Variants in AQP7 observed in about 807,000 individuals in gnomAD.
AQP7 encodes the protein aquaporin 7.
A neutral mutation model predicts 26.1 loss-of-function variants in AQP7; 22 were observed. The ratio of observed to expected loss-of-function variants is 0.84; its 90% confidence interval spans 0.60 to 1.20. The LOEUF is 1.20. Among genes scored for constraint, AQP7 ranks in the 50% most tolerant of loss-of-function variants. The pLI, the probability that AQP7 is intolerant of heterozygous loss-of-function variation, is 0.00. For synonymous variants in AQP7, 167 were observed against 181.7 expected, an observed-to-expected ratio of 0.92 and a Z score of 0.65; for missense variants, 412 against 457.5, an observed-to-expected ratio of 0.90 and a Z score of 0.91.
chr9:33,385,450 A>T, intron 7 of AQP7, 160 bp from the exon 8 acceptor site: 1 of 979,782 alleles, frequency 1.0e-6, no homozygotes, highest in Non-Finnish European at 1.5e-6. Context: ...CAATTCAGGG[A>T]CAGCGTTGAC....
At chr9:33,392,296 T>G (rs1386505109) in intron 3 of AQP7, among the ~76,000 whole-genome samples, 1 of 145,250 alleles carries the variant, frequency 6.9e-6, no homozygotes, top group Non-Finnish European at 1.5e-5. Context: ...CAAGACTGTA[T>G]CTCAAAAAAA....
intron 1 of AQP7, chr9:33,401,516 C>T: frequency 1.8e-6 from 1 of 554,880 alleles, no homozygotes; most frequent in Non-Finnish European, 3.2e-6. Flanking sequence ...CAGGCCAGAC[C>T]CTCCAGTGCT....
rs1824558705 is a variant in AQP7, at chr9:33,384,441, CAG to C, written c.*562_*563del. 1.3e-5 allele frequency: 2 copies of C among 151,418 alleles called. No individual in the cohort carries two copies. The highest frequency in any genetic ancestry group is 1.5e-5 in the Non-Finnish European group (1 of 68,014). The allele number at this position is 151,418 out of a possible 1,614,324, so 9.4% of individuals were successfully genotyped here. ...GCACAGAACATATACAGAACATAAA[CAG>C]ATATATAGTACATCTGTGGTATTAA... On this transcript the variant is annotated 3_prime_UTR_variant, in exon 8 of 8. Transcript: ENST00000297988.
chr9:33,390,861 C>T (rs1432673139), intron 3 of AQP7, among the ~76,000 whole-genome samples: 1 of 152,206 alleles, frequency 6.6e-6, no homozygotes, highest in Non-Finnish European at 1.5e-5. Flanking sequence ...CCTGTAATCC[C>T]AGCACTTTGG....
At chr9:33,389,781 A>G (rs1825208701) in intron 3 of AQP7, among the ~76,000 whole-genome samples, 1 of 152,146 alleles carries the variant, frequency 6.6e-6, no homozygotes, top group Admixed American at 6.5e-5. Context: ...TCATGCCTGT[A>G]ATCCCAGCAC....
In AQP7 at chr9:33,387,092, C is replaced by T. The variant is rs768771734; in HGVS notation, c.145G>A (p.Val49Ile). 1.4e-5 allele frequency: 22 copies of T among 1,611,566 alleles called. No individual in the cohort carries two copies. The highest frequency in any genetic ancestry group is 1.7e-5 in the Non-Finnish European group (20 of 1,179,656). The change falls in exon 4 of 8, where the codon GTA (valine) becomes ATA (isoleucine). Residue 49 changes from valine (V) to isoleucine (I), a missense_variant and splice_region_variant. Coordinates refer to ENST00000297988, the MANE Select transcript of AQP7 (RefSeq NM_001170.3). ...AEFMSTYVMM[V>I]FGLGSVAHMV... ...TGGGCCACGGAACCAAGGCCGAATACCTACAAGGGAGGGCCTCTAAGGGGG... is the reference window on the plus strand; with the variant it reads ...TGGGCCACGGAACCAAGGCCGAATATCTACAAGGGAGGGCCTCTAAGGGGG...
At chr9:33,400,200 C>T (rs1378831443) in intron 2 of AQP7, among the ~76,000 whole-genome samples, 5 of 152,098 alleles carry the variant, frequency 3.3e-5, no homozygotes, top group Admixed American at 2.6e-4. Context: ...TCCCTGCTTG[C>T]GTGGAGCTGA....
At position 33,383,256 on chromosome 9, in the gene AQP7, A is replaced by G. The variant is rs1056000; in HGVS notation, c.*1749T>C. On this transcript the variant is annotated 3_prime_UTR_variant, in exon 8 of 8. Transcript: ENST00000297988. ...AATGGGAAGTAATATTCTTATCGCCATTTTACAAATAAGAAGACCAAGGCC... is the reference window on the plus strand; with the variant it reads ...AATGGGAAGTAATATTCTTATCGCCGTTTTACAAATAAGAAGACCAAGGCC... The G allele has an allele frequency of 1.9e-4, 29 of 152,336 alleles. No individual in the cohort carries two copies. Among genetic ancestry groups the G allele is most frequent in the Admixed American group, 1.8e-3 (27 of 15,298 alleles). 9.4% of individuals were successfully genotyped at this position (152,336 alleles called of 1,614,324 possible).
At chr9:33,399,284 A>C (rs1564193853) in intron 2 of AQP7, among the ~76,000 whole-genome samples, 1 of 152,148 alleles carries the variant, frequency 6.6e-6, no homozygotes, top group Non-Finnish European at 1.5e-5. Flanking sequence ...CCTGCTAACC[A>C]ACATTTCTTA....
rs532521759 is a variant in AQP7, at chr9:33,398,503, G to A, written c.26+2734C>T. Among the ~76,000 whole-genome samples the A allele has an allele frequency of 9.8e-5, 15 of 152,360 alleles. No homozygotes were observed. The South Asian group carries it at 2.3e-3, about 23-fold the overall frequency. On this transcript the variant is annotated intron_variant, in intron 2 of 7. Transcript: ENST00000297988. ...CAGCCTGAGCCACAGAGATGGCAGC[G>A]CCAATGGCCAAAAGAGCACAGTCAA...
intron 3 of AQP7, among the ~76,000 whole-genome samples, chr9:33,387,754 C>T (rs75964260): frequency 1.6e-4 from 24 of 152,218 alleles, no homozygotes; most frequent in South Asian, 4.2e-4. Context: ...TTCCCTTCAG[C>T]CCTGGCTCCT....
In AQP7 at chr9:33,401,293, G is replaced by T; in HGVS notation, c.-25-6C>A. ...GTCTTTCAGATTTGTAGATGCTGAG[G>T]AGCCAAAGAGAGGTCACTAGGGCTG... On this transcript the variant is annotated splice_region_variant and splice_polypyrimidine_tract_variant and intron_variant, in intron 1 of 7. Coordinates refer to ENST00000297988, the MANE Select transcript of AQP7 (RefSeq NM_001170.3). 6.5e-7 allele frequency: 1 copy of T among 1,548,544 alleles called. No homozygotes were observed. The highest frequency in any genetic ancestry group is 8.7e-7 in the Non-Finnish European group (1 of 1,146,180).
At chr9:33,400,171 A>G (rs1826156236) in intron 2 of AQP7, among the ~76,000 whole-genome samples, 2 of 152,210 alleles carry the variant, frequency 1.3e-5, no homozygotes, top group South Asian at 2.1e-4. Flanking sequence ...TCTCCGTCCA[A>G]GTGTACAACA....
Position 33,385,221 on chromosome 9 carries a change from G to A in AQP7, c.813C>T (p.Ile271=), listed in dbSNP as rs1347946262. The change falls in exon 8 of 8, where the codon ATC becomes ATT. Residue 271 remains isoleucine (I), a synonymous_variant. Coordinates refer to ENST00000297988, the MANE Select transcript of AQP7 (RefSeq NM_001170.3). ...TGGTGGAGCCAATGAAGACCAGGTA[G>A]ATGATGCCACCTAGATAGGCACCCA... ...PLLGAYLGGI[I]YLVFIGSTIP... The A allele has an allele frequency of 2.5e-6, 4 of 1,611,946 alleles. No homozygotes were observed. Among genetic ancestry groups the A allele is most frequent in the Non-Finnish European group, 3.4e-6 (4 of 1,179,848 alleles).
chr9:33,399,542 A>T (rs1213534022), intron 2 of AQP7, among the ~76,000 whole-genome samples: 1 of 151,970 alleles, frequency 6.6e-6, no homozygotes, highest in Non-Finnish European at 1.5e-5. Flanking sequence ...CAGAAGTTGC[A>T]GTGAGCCGAG....
In AQP7 at chr9:33,386,131, A is replaced by C; in HGVS notation, c.471T>G (p.Ile157Met). Residue 157 changes from isoleucine (I) to methionine (M), a missense_variant, in exon 6 of 8, where the codon ATT becomes ATG. Physicochemically the swap from Ile to Met is conservative, Grantham distance 10. Coordinates refer to ENST00000297988, the MANE Select transcript of AQP7 (RefSeq NM_001170.3). The part of the protein sequence containing the change: ...MVTGPVATAG[I>M]FATYLPDHMT... ...TGTGATCAGGAAGGTAGGTGGCAAA[A>C]ATGCCAGCTGTAGCGACGGGACCGG... 2 of 1,613,902 alleles carry C rather than the reference A, an allele frequency of 1.2e-6. No homozygotes were observed. Among genetic ancestry groups the C allele is most frequent in the Non-Finnish European group, 1.7e-6 (2 of 1,179,846 alleles).
At position 33,385,853 on chromosome 9, in the gene AQP7, C is replaced by G; in HGVS notation, c.539G>C (p.Gly180Ala). ...GGCGAAGAGACACAGCTGGAGCATC[C>G]CGGTCAGCCACGCCTGAGGAGCAGA... ...RGFLNEAWLT[G>A]MLQLCLFAIT... The change falls in exon 7 of 8, where the codon GGG becomes GCG. Residue 180 changes from glycine to alanine, a missense_variant. Physicochemically the swap from Gly to Ala is moderately conservative, Grantham distance 60. Coordinates refer to ENST00000297988, the MANE Select transcript of AQP7 (RefSeq NM_001170.3). 6.2e-7 allele frequency: 1 copy of G among 1,608,812 alleles called. No individual in the cohort carries two copies.
At chr9:33,393,059 C>T (rs1287529227) in intron 3 of AQP7, among the ~76,000 whole-genome samples, 1 of 152,160 alleles carries the variant, frequency 6.6e-6, no homozygotes, top group Non-Finnish European at 1.5e-5. Flanking sequence ...GAAACCCCAT[C>T]TCTACTAAAA....
rs1214478920 is a variant in AQP7 at position 33,383,991 on chromosome 9, C to A, written c.*1014G>T. 1 of 152,370 alleles carries A rather than the reference C, an allele frequency of 6.6e-6. No individual in the cohort carries two copies. Among genetic ancestry groups the A allele is most frequent in the Non-Finnish European group, 1.5e-5 (1 of 68,120 alleles). 9.4% of individuals were successfully genotyped at this position (152,370 alleles called of 1,614,324 possible). On this transcript the variant is annotated 3_prime_UTR_variant, in exon 8 of 8. Coordinates refer to ENST00000297988, the MANE Select transcript of AQP7 (RefSeq NM_001170.3). ...GAGCCCAGCGCATCCACTGCGCATC[C>A]CCAGTGTCCAGGCAGGGCCTGCACA... is the stretch of plus-strand genomic sequence containing the variant.
Sources: gnomAD v4.1 joint callset for allele counts (sites outside exome capture counted in the v4.1 genomes callset) on GRCh38, gnomAD v4.1.1 for gene constraint, MANE v1.5 for transcripts, NCBI Gene and HGNC (gene_info 2026-07-23, HGNC 2026-07-21) for gene names.